Variants in POFUT1 observed in about 807,000 individuals in gnomAD.
POFUT1 encodes the protein GDP-fucose protein O-fucosyltransferase 1.
POFUT1 carries 16 observed loss-of-function variants against 42.4 expected under a neutral mutation model. The observed-to-expected ratio is 0.38, with a 90% CI of 0.26 to 0.57. The LOEUF is 0.57. Ranked by LOEUF, POFUT1 falls within the 20% of genes least tolerant of loss-of-function variation. The pLI, the probability that POFUT1 is intolerant of heterozygous loss-of-function variation, is 0.71. For synonymous variants in POFUT1, 206 were observed against 205.4 expected, an observed-to-expected ratio of 1.00 and a Z score of -0.03; for missense variants, 470 against 504.6, an observed-to-expected ratio of 0.93 and a Z score of 0.66.
chr20:32,231,807 T>C (rs2047445156), intron 6 of POFUT1, among the ~76,000 whole-genome samples: 1 of 152,212 alleles, frequency 6.6e-6, no homozygotes, highest in Admixed American at 6.5e-5. Context: ...TAGAAATTGG[T>C]GGCTGATGAA....
chr20:32,220,193 A>T (rs999533641), intron 4 of POFUT1, among the ~76,000 whole-genome samples: 1 of 152,192 alleles, frequency 6.6e-6, no homozygotes, highest in African/African-American at 2.4e-5. Context: ...TATATACCAC[A>T]TTTGTGTATC....
intron 6 of POFUT1, among the ~76,000 whole-genome samples, chr20:32,234,256 G>A (rs2047457515): frequency 6.6e-6 from 1 of 152,142 alleles, no homozygotes; most frequent in Non-Finnish European, 1.5e-5. Context: ...GGTGTGAATG[G>A]TGTGTTTGGA....
At chr20:32,229,299 G>C (rs535782637) in intron 5 of POFUT1, among the ~76,000 whole-genome samples, 4 of 152,162 alleles carry the variant, frequency 2.6e-5, no homozygotes, top group Non-Finnish European at 5.9e-5. Context: ...GAACACAAAT[G>C]CATAGGCCCT....
At chr20:32,228,483 C>A in intron 5 of POFUT1, 28 bp downstream of exon 5, 1 of 1,600,424 alleles carries the variant, frequency 6.2e-7, no homozygotes, top group Admixed American at 1.7e-5. Flanking sequence ...CTCTCACTGG[C>A]TAACTTGGAT....
chr20:32,226,498 C>T (rs1367197800), intron 4 of POFUT1, among the ~76,000 whole-genome samples: 3 of 150,682 alleles, frequency 2.0e-5, no homozygotes, highest in South Asian at 4.2e-4. Context: ...GCAGTTTTAT[C>T]GTGTGTGGGT....
At chr20:32,229,275 C>T (rs2047430379) in intron 5 of POFUT1, among the ~76,000 whole-genome samples, 1 of 152,170 alleles carries the variant, frequency 6.6e-6, no homozygotes, top group African/African-American at 2.4e-5. Context: ...AAATTATAGC[C>T]TGTTCTTGCT....
chr20:32,229,698 T>A (rs967343094), intron 5 of POFUT1, among the ~76,000 whole-genome samples: 1 of 152,200 alleles, frequency 6.6e-6, no homozygotes, highest in Non-Finnish European at 1.5e-5. Flanking sequence ...AGAAAAGTAA[T>A]TTTTGTTTCA....
chr20:32,230,251 G>A lies in POFUT1; in HGVS notation c.736-568G>A, dbSNP rs1471063134. Among the ~76,000 whole-genome samples the A allele has an allele frequency of 6.4e-4, 97 of 152,034 alleles. 1 individual carries two copies. The highest frequency in any genetic ancestry group is 1.3e-3 in the Non-Finnish European group (89 of 68,002). ...AAATACAAAAAATTAGCTGGGCGTG[G>A]TGGTGGGCACCTGTAGTCCCAGCTA... On this transcript the variant is annotated intron_variant, in intron 5 of 6. Coordinates refer to ENST00000375749, the MANE Select transcript of POFUT1 (RefSeq NM_015352.2).
chr20:32,213,487 A>T (rs1302493409), intron 2 of POFUT1, among the ~76,000 whole-genome samples: 2 of 150,964 alleles, frequency 1.3e-5, no homozygotes, highest in Non-Finnish European at 1.5e-5. Flanking sequence ...AAATATAAAG[A>T]TGAGGCTGGG....
Position 32,209,173 on chromosome 20 carries a change from C to T in POFUT1, c.125-898C>T, listed in dbSNP as rs555061916. Among the ~76,000 whole-genome samples the T allele has an allele frequency of 1.1e-4, 17 of 152,328 alleles. No individual in the cohort carries two copies. The South Asian group carries it at 3.5e-3, about 32-fold the overall frequency. The stretch of plus-strand genomic sequence containing the variant: ...ACACATGCTCAGGTCTTCCAGTCTG[C>T]ACTGCTGCAGGTGGCGGTCCCTATG... On this transcript the variant is annotated intron_variant, in intron 1 of 6. Transcript: ENST00000375749.
In POFUT1 at chr20:32,228,071, G is replaced by A. The variant is rs74644062; in HGVS notation, c.543-192G>A. 1.1e-4 allele frequency among the ~76,000 whole-genome samples: 17 copies of A among 152,286 alleles called. No individual in the cohort carries two copies. The South Asian group carries it at 3.1e-3, about 28-fold the overall frequency. On this transcript the variant is annotated intron_variant, in intron 4 of 6. Transcript: ENST00000375749. ...GTGGCGGGACAGTATTGCATATTGT[G>A]CCTGTTGCCGCCGCCACCAAGGTTC...
chr20:32,219,795 CCAA>C (rs757457342), intron 4 of POFUT1, among the ~76,000 whole-genome samples: 3 of 152,170 alleles, frequency 2.0e-5, no homozygotes, highest in Admixed American at 6.5e-5. Context: ...CCGCGCCCGG[CCAA>C]CAACAAGTTA....
At chr20:32,208,290 G>T (rs1407195684) in intron 1 of POFUT1, among the ~76,000 whole-genome samples, 1 of 152,162 alleles carries the variant, frequency 6.6e-6, no homozygotes, top group African/African-American at 2.4e-5. Flanking sequence ...GAGAGGTTAC[G>T]TGACTTGCTT....
intron 5 of POFUT1, 25 bp from the exon 6 acceptor site, chr20:32,230,794 T>C: frequency 6.2e-7 from 1 of 1,609,060 alleles, no homozygotes; most frequent in Non-Finnish European, 8.5e-7. Flanking sequence ...TGCCAGTATT[T>C]AACCCTGTTC....
chr20:32,222,892 C>G (rs2047397798), intron 4 of POFUT1: 4 of 985,452 alleles, frequency 4.1e-6, no homozygotes, highest in Non-Finnish European at 4.8e-6. Flanking sequence ...TGCCACCTCC[C>G]TGTGGGAACC....
chr20:32,220,081 G>A (rs968866118), intron 4 of POFUT1, among the ~76,000 whole-genome samples: 8 of 152,254 alleles, frequency 5.3e-5, no homozygotes, highest in African/African-American at 1.9e-4. Flanking sequence ...TTTTGTGTCT[G>A]GCTTATTTCA....
chr20:32,208,027 G>T lies in POFUT1; in HGVS notation c.86G>T (p.Trp29Leu). Reference protein sequence around the residue: ...LPLPGMPAGSWDPAGYLLYCP... With the variant: ...LPLPGMPAGSLDPAGYLLYCP... ...CTCCCGGGGATGCCTGCGGGCTCCT[G>T]GGACCCGGCCGGTTACCTGCTCTAC... Residue 29 changes from tryptophan (W) to leucine (L), a missense_variant, in exon 1 of 7, where the codon TGG becomes TTG. Physicochemically the swap from Trp to Leu is moderately conservative, Grantham distance 61. Transcript: ENST00000375749. 1 of 1,575,238 alleles carries T rather than the reference G, an allele frequency of 6.3e-7. No homozygotes were observed.
chr20:32,208,643 A>C (rs1391507070), intron 1 of POFUT1, among the ~76,000 whole-genome samples: 1 of 104,252 alleles, frequency 9.6e-6, no homozygotes, highest in Non-Finnish European at 1.9e-5. Flanking sequence ...GTGAAAATCC[A>C]ATCTCAAAAA....
chr20:32,238,261 G>C lies in POFUT1; in HGVS notation c.*3600G>C, dbSNP rs946622331. On this transcript the variant is annotated 3_prime_UTR_variant, in exon 7 of 7. Coordinates refer to ENST00000375749, the MANE Select transcript of POFUT1 (RefSeq NM_015352.2). ...AAAAAAATAATAATAATAGCCAGGC[G>C]TGGTGGCACATGCCTGTATTCCCAG... 6.0e-6 allele frequency: 1 copy of C among 167,658 alleles called. No homozygotes were observed. The highest frequency in any genetic ancestry group is 2.4e-5 in the African/African-American group (1 of 41,860). 10.4% of individuals were successfully genotyped at this position (167,658 alleles called of 1,614,324 possible).
Sources: allele counts gnomAD v4.1 joint callset (sites outside exome capture counted in the v4.1 genomes callset), GRCh38; gene constraint gnomAD v4.1.1; transcripts MANE v1.5; gene names NCBI Gene and HGNC (gene_info 2026-07-23, HGNC 2026-07-21).